The following GRM7 variants were observed in gnomAD, a reference collection of about 807,000 sequenced individuals.
The protein encoded by GRM7 is metabotropic glutamate receptor 7.
A neutral mutation model predicts 84.5 loss-of-function variants in GRM7; 35 were observed. That is an observed-to-expected ratio of 0.41 (90% CI 0.32 to 0.55). The LOEUF is 0.55. GRM7 is among the 20% of genes least tolerant of loss of function. The probability of loss-of-function intolerance (pLI) is 0.19; values close to 1 mark genes in which losing one functional copy is unlikely to be tolerated. For synonymous variants in GRM7, 487 were observed against 455.1 expected, an observed-to-expected ratio of 1.07 and a Z score of -0.89; for missense variants, 1,003 against 1,194.6, an observed-to-expected ratio of 0.84 and a Z score of 2.36.
At chr3:6,992,560 C>T (rs1017198321) in intron 1 of GRM7, among the ~76,000 whole-genome samples, 7 of 151,928 alleles carry the variant, frequency 4.6e-5, no homozygotes, top group Admixed American at 6.6e-5. Context: ...GGTTCAAGGG[C>T]GATAACATGG....
chr3:7,277,485 T>A (rs1363546946), intron 2 of GRM7, among the ~76,000 whole-genome samples: 3 of 152,092 alleles, frequency 2.0e-5, no homozygotes, highest in Non-Finnish European at 4.4e-5. Context: ...ACCACTTTTT[T>A]ATCACTGCTC....
intron 1 of GRM7, among the ~76,000 whole-genome samples, chr3:7,053,341 G>T (rs1204328706): frequency 6.6e-6 from 1 of 151,036 alleles, no homozygotes; most frequent in Non-Finnish European, 1.5e-5. Context: ...CCAGGGTGTA[G>T]CTGTTATTTT....
intron 7 of GRM7, among the ~76,000 whole-genome samples, chr3:7,501,876 A>C (rs950293081): frequency 6.6e-6 from 1 of 152,198 alleles, no homozygotes; most frequent in African/African-American, 2.4e-5. Context: ...CTGCTGTCCC[A>C]CAGTCATACA....
chr3:7,263,756 A>G (rs549870515), intron 2 of GRM7, among the ~76,000 whole-genome samples: 1 of 152,122 alleles, frequency 6.6e-6, no homozygotes, highest in East Asian at 1.9e-4. Flanking sequence ...ACTGCCAGGG[A>G]CAGGGCTGGT....
chr3:7,531,304 T>A (rs1209023740), intron 7 of GRM7, among the ~76,000 whole-genome samples: 1 of 152,186 alleles, frequency 6.6e-6, no homozygotes, highest in Non-Finnish European at 1.5e-5. Context: ...TTGGTCTATA[T>A]CTCTGTTTTG....
At chr3:7,398,927 T>C (rs557485772) in intron 4 of GRM7, among the ~76,000 whole-genome samples, 74 of 152,160 alleles carry the variant, frequency 4.9e-4, no homozygotes, top group African/African-American at 1.7e-3. Context: ...TCTCCATTGA[T>C]GGCTTCTTTG....
At chr3:7,631,581 G>A (rs566895795) in intron 8 of GRM7, among the ~76,000 whole-genome samples, 5 of 152,240 alleles carry the variant, frequency 3.3e-5, no homozygotes, top group Non-Finnish European at 7.4e-5. Flanking sequence ...AGTATAATGG[G>A]GGAAGTGGTA....
rs564093973 is a variant in GRM7, at chr3:7,587,974, C to T, written c.2451+8617C>T. On this transcript the variant is annotated intron_variant, in intron 8 of 9. Transcript: ENST00000357716. ...TATGATTCTCCTCCCATCTCTGCTTCGTGGGATGTTTGGTGGGGTGGAAAC... is the reference window on the plus strand; with the variant it reads ...TATGATTCTCCTCCCATCTCTGCTTTGTGGGATGTTTGGTGGGGTGGAAAC... 1.1e-4 allele frequency among the ~76,000 whole-genome samples: 17 copies of T among 152,184 alleles called. No homozygotes were observed. In the South Asian group the frequency reaches 2.3e-3, roughly 20 times the overall value.
chr3:7,520,592 C>G (rs960086839), intron 7 of GRM7, among the ~76,000 whole-genome samples: 3 of 152,150 alleles, frequency 2.0e-5, no homozygotes, highest in South Asian at 4.2e-4. Flanking sequence ...GACTCTAACA[C>G]AAGTTCACAT....
chr3:7,147,837 C>T (rs1346545829), intron 2 of GRM7, among the ~76,000 whole-genome samples: 6 of 152,128 alleles, frequency 3.9e-5, no homozygotes, highest in Admixed American at 3.9e-4. Context: ...TGTCAAGTCT[C>T]GCTCTAACCA....
At chr3:7,529,599 C>T (rs936931344) in intron 7 of GRM7, among the ~76,000 whole-genome samples, 1 of 152,042 alleles carries the variant, frequency 6.6e-6, no homozygotes, top group Non-Finnish European at 1.5e-5. Context: ...CATAGGCTCT[C>T]CTTTGTTCTC....
At chr3:7,471,067 GTAAAA>G in intron 7 of GRM7, among the ~76,000 whole-genome samples, 1 of 151,614 alleles carries the variant, frequency 6.6e-6, no homozygotes, top group South Asian at 2.1e-4. Flanking sequence ...TTTAAAAAAA[GTAAAA>G]TAAAATAAAG....
intron 2 of GRM7, among the ~76,000 whole-genome samples, chr3:7,179,346 C>A (rs539471125): frequency 6.6e-6 from 1 of 152,150 alleles, no homozygotes; most frequent in Non-Finnish European, 1.5e-5. Context: ...CAAAAATAAA[C>A]CTCTAATATA....
chr3:6,957,647 T>C (rs992434904), intron 1 of GRM7, among the ~76,000 whole-genome samples: 2 of 152,188 alleles, frequency 1.3e-5, no homozygotes, highest in African/African-American at 4.8e-5. Context: ...CATTTGCACA[T>C]TGTAACATAG....
chr3:7,208,347 G>T (rs2124837970), intron 2 of GRM7, among the ~76,000 whole-genome samples: 1 of 152,284 alleles, frequency 6.6e-6, no homozygotes, highest in Non-Finnish European at 1.5e-5. Context: ...AGTGCAGTGG[G>T]CTTGGGGCTA....
At chr3:7,081,604 A>T (rs1260399558) in intron 1 of GRM7, among the ~76,000 whole-genome samples, 2 of 152,104 alleles carry the variant, frequency 1.3e-5, no homozygotes, top group Admixed American at 1.3e-4. Flanking sequence ...CTCTCACTTT[A>T]AATCAACAGC....
chr3:7,640,923 A>G (rs1164609483), intron 8 of GRM7, among the ~76,000 whole-genome samples: 1 of 152,194 alleles, frequency 6.6e-6, no homozygotes, highest in East Asian at 1.9e-4. Flanking sequence ...TGCCTCTGAC[A>G]GCTATTTTTT....
chr3:7,611,038 G>T (rs138894788), intron 8 of GRM7, among the ~76,000 whole-genome samples: 1 of 152,246 alleles, frequency 6.6e-6, no homozygotes, highest in African/African-American at 2.4e-5. Context: ...TGATGCGAGA[G>T]AATATATTGA....
chr3:7,612,795 A>G (rs973466522), intron 8 of GRM7, among the ~76,000 whole-genome samples: 7 of 152,200 alleles, frequency 4.6e-5, no homozygotes, highest in Non-Finnish European at 1.0e-4. Flanking sequence ...CACCAAGGAA[A>G]GAATTCTTGG....
Sources: gnomAD v4.1 joint callset for allele counts (sites outside exome capture counted in the v4.1 genomes callset) on GRCh38, gnomAD v4.1.1 for gene constraint, MANE v1.5 for transcripts, NCBI Gene and HGNC (gene_info 2026-07-23, HGNC 2026-07-21) for gene names.